Variants in HELB observed in about 807,000 individuals in gnomAD.
The protein encoded by HELB is DNA 5'-3' helicase B.
A neutral mutation model predicts 101.7 loss-of-function variants in HELB; 96 were observed. That is an observed-to-expected ratio of 0.94 (90% CI 0.80 to 1.12). The LOEUF is 1.12. Ranked by LOEUF, HELB falls within the 50% of genes most tolerant of loss-of-function variation. The pLI, the probability that HELB is intolerant of heterozygous loss-of-function variation, is 0.00. For synonymous variants in HELB, 437 were observed against 459.7 expected, an observed-to-expected ratio of 0.95 and a Z score of 0.63; for missense variants, 1,210 against 1,291.9, an observed-to-expected ratio of 0.94 and a Z score of 0.97.
intron 4 of HELB, 124 bp from the exon 5 acceptor site, chr12:66,313,862 G>A: frequency 2.7e-6 from 2 of 747,304 alleles, no homozygotes; most frequent in Non-Finnish European, 4.7e-6. Context: ...TATAACTTTT[G>A]TGTTTCTTTA....
chr12:66,308,720 A>G (rs559706203), intron 3 of HELB, among the ~76,000 whole-genome samples: 32 of 152,226 alleles, frequency 2.1e-4, no homozygotes, highest in African/African-American at 7.2e-4. Flanking sequence ...TTCTTCTTAT[A>G]AGAATACCAG....
intron 7 of HELB, among the ~76,000 whole-genome samples, chr12:66,319,131 A>G (rs2053643010): frequency 6.6e-6 from 1 of 152,228 alleles, no homozygotes; most frequent in South Asian, 2.1e-4. Flanking sequence ...CTTCCTTGCT[A>G]TTTGAAAAGC....
At chr12:66,304,261 T>C (rs1012435773) in intron 1 of HELB, among the ~76,000 whole-genome samples, 2 of 151,382 alleles carry the variant, frequency 1.3e-5, no homozygotes, top group Non-Finnish European at 2.9e-5. Flanking sequence ...AGAGGTTTTA[T>C]ACATGAGATT....
intron 5 of HELB, among the ~76,000 whole-genome samples, chr12:66,315,004 C>T (rs1168313): frequency 0.98 from 146,697 of 150,384 alleles, 71,610 homozygotes; most frequent in Non-Finnish European, 1. Context: ...TTTTTTTTTT[C>T]CCCTAATATG....
At chr12:66,319,880 G>GT (rs111476292) in intron 7 of HELB, among the ~76,000 whole-genome samples, 93,878 of 148,882 alleles carry the variant, frequency 0.63, 30,551 homozygotes, top group Middle Eastern at 0.81. Context: ...GTGCTTTTTT[G>GT]GTTTTTTTTG....
chr12:66,311,067 A>G (rs1402297285), intron 4 of HELB, among the ~76,000 whole-genome samples: 1 of 152,146 alleles, frequency 6.6e-6, no homozygotes, highest in Non-Finnish European at 1.5e-5. Context: ...TCAAAGCAGC[A>G]GTCTGTAAAT....
At position 66,331,330 on chromosome 12, in the gene HELB, T is replaced by C; in HGVS notation, c.2847T>C (p.His949=). 1 of 1,614,194 alleles carries C rather than the reference T, an allele frequency of 6.2e-7. No homozygotes were observed. ...NSFPRKTRLK[H]FLQSKLSSSG... is the part of the protein sequence containing the mutation. ...TTCCTAGAAAAACTCGTTTGAAACA[T>C]TTCTTGCAAAGTAAGCTCTCCTCTA... Residue 949 remains histidine (H), a synonymous_variant, in exon 12 of 13, where the codon CAT becomes CAC. Transcript: ENST00000247815.
At chr12:66,323,949 A>G (rs1291470208) in intron 9 of HELB, 34 bp from the exon 10 acceptor site, 3 of 1,443,122 alleles carry the variant, frequency 2.1e-6, no homozygotes, top group East Asian at 2.3e-5. Context: ...AGACTTTCCA[A>G]ACTTTGATTA....
At chr12:66,304,294 GTGAT>G in intron 1 of HELB, among the ~76,000 whole-genome samples, 1 of 119,628 alleles carries the variant, frequency 8.4e-6, no homozygotes, top group African/African-American at 2.8e-5. Flanking sequence ...TTCTAAGTAA[GTGAT>G]AGTTAAGCTG....
At chr12:66,334,846 A>C (rs2053849580) in intron 12 of HELB, among the ~76,000 whole-genome samples, 1 of 152,158 alleles carries the variant, frequency 6.6e-6, no homozygotes, top group Non-Finnish European at 1.5e-5. Flanking sequence ...GTGGAGAGGG[A>C]ACTGTGGAAA....
chr12:66,305,227 A>G (rs2053461153), intron 2 of HELB, 77 bp downstream of exon 2: 1 of 883,154 alleles, frequency 1.1e-6, no homozygotes, highest in South Asian at 1.7e-5. Context: ...TGTTACCACT[A>G]GCATAGTATT....
At chr12:66,332,222 T>A (rs1048387535) in intron 12 of HELB, among the ~76,000 whole-genome samples, 1 of 152,198 alleles carries the variant, frequency 6.6e-6, no homozygotes, top group African/African-American at 2.4e-5. Context: ...GTTACATGGC[T>A]TAAAGTCTTA....
chr12:66,325,243 C>T, intron 11 of HELB, 117 bp downstream of exon 11: 1 of 663,148 alleles, frequency 1.5e-6, no homozygotes, highest in Non-Finnish European at 2.6e-6. Flanking sequence ...AAACAAAATA[C>T]ACAAAAGTAC....
At chr12:66,328,454 T>C (rs2053767380) in intron 11 of HELB, among the ~76,000 whole-genome samples, 1 of 151,982 alleles carries the variant, frequency 6.6e-6, no homozygotes, top group Non-Finnish European at 1.5e-5. Flanking sequence ...TCCCAGCTAC[T>C]CGGGGGTCTG....
Position 66,321,943 on chromosome 12 carries a change from A to G in HELB, c.2156-5A>G. 9.8e-7 allele frequency: 1 copy of G among 1,023,518 alleles called. No individual in the cohort carries two copies. Among genetic ancestry groups the G allele is most frequent in the Non-Finnish European group, 1.5e-6 (1 of 674,996 alleles). The allele number at this position is 1,023,518 out of a possible 1,614,324, so 63.4% of individuals were successfully genotyped here. A position where few individuals can be genotyped will look rare whatever the true frequency, so the allele number is the denominator to read the frequency against. On this transcript the variant is annotated splice_region_variant and splice_polypyrimidine_tract_variant and intron_variant, in intron 7 of 12. Transcript: ENST00000247815. ...TGTGTTAACTTTTTTCTCTTGAATT[A>G]TTAGGTTTATATTCTGCAGTTAAAA...
chr12:66,302,762 G>T lies in HELB; in HGVS notation c.159G>T (p.Lys53Asn), dbSNP rs2053419928. ...AGGAGCTCTGCAGTGGGGGCGTAAAGGCTGGCAGCCTCCCCGGGTGCCTCC... is the reference window on the plus strand; with the variant it reads ...AGGAGCTCTGCAGTGGGGGCGTAAATGCTGGCAGCCTCCCCGGGTGCCTCC... Reference protein sequence around the residue: ...DAEELCSGGVKAGSLPGCLRV... With the variant: ...DAEELCSGGVNAGSLPGCLRV... Residue 53 changes from lysine to asparagine, a missense_variant, in exon 1 of 13, where the codon AAG becomes AAT. Physicochemically the swap from Lys to Asn is moderately conservative, Grantham distance 94. Coordinates refer to ENST00000247815, the MANE Select transcript of HELB (RefSeq NM_001370285.1). The T allele has an allele frequency of 6.2e-7, 1 of 1,612,764 alleles. No homozygotes were observed. The highest frequency in any genetic ancestry group is 1.7e-5 in the Admixed American group (1 of 59,934).
Position 66,317,510 on chromosome 12 carries a change from C to T in HELB, c.2001-1128C>T, listed in dbSNP as rs542643355. 4.6e-5 allele frequency among the ~76,000 whole-genome samples: 7 copies of T among 152,204 alleles called. No homozygotes were observed. In the East Asian group the frequency reaches 5.8e-4, roughly 13 times the overall value. ...TAAAGACCACCCCATTTTTGGTAGA[C>T]GATTAGTCATTTTAAAGTCCAAGAA... On this transcript the variant is annotated intron_variant, in intron 6 of 12. Transcript: ENST00000247815.
intron 1 of HELB, among the ~76,000 whole-genome samples, chr12:66,303,635 A>G (rs1243429171): frequency 6.6e-5 from 10 of 152,180 alleles, no homozygotes; most frequent in African/African-American, 2.4e-4. Flanking sequence ...CTCCATCTCA[A>G]AAAACGAAAA....
chr12:66,327,317 T>G (rs763453125), intron 11 of HELB, among the ~76,000 whole-genome samples: 105 of 151,898 alleles, frequency 6.9e-4, no homozygotes, highest in Non-Finnish European at 1.2e-3. Context: ...ATCCTTCACC[T>G]TTACGAAATT....
Sources: allele counts gnomAD v4.1 joint callset (sites outside exome capture counted in the v4.1 genomes callset), GRCh38; gene constraint gnomAD v4.1.1; transcripts MANE v1.5; gene names NCBI Gene and HGNC (gene_info 2026-07-23, HGNC 2026-07-21).